The following JAK2 variants were observed in gnomAD, a reference collection of about 807,000 sequenced individuals.
The protein encoded by JAK2 is tyrosine-protein kinase JAK2.
JAK2 carries 86 observed loss-of-function variants against 139.3 expected under a neutral mutation model. The ratio of observed to expected loss-of-function variants is 0.62; its 90% CI spans 0.52 to 0.74. The LOEUF is 0.74. JAK2 is among the 30% of genes least tolerant of loss of function. The pLI is 0.00. For synonymous variants in JAK2, 490 were observed against 437.7 expected (o/e 1.12, Z -1.49); for missense variants, 1,421 against 1,360.3 (o/e 1.04, Z -0.70).
At chr9:5,000,005 C>A (rs905019246) in intron 2 of JAK2, among the ~76,000 whole-genome samples, 17 of 152,156 alleles carry the variant, frequency 1.1e-4, no homozygotes, top group African/African-American at 4.1e-4. Context: ...GAAACAATAT[C>A]TCATTTTTAT....
chr9:5,069,637 G>C (rs976538629), intron 11 of JAK2, among the ~76,000 whole-genome samples: 2 of 151,860 alleles, frequency 1.3e-5, no homozygotes, highest in Non-Finnish European at 2.9e-5. Context: ...TATGAGTTAA[G>C]GAAGTTACTA....
At chr9:5,026,681 T>TAAC (rs570536033) in intron 3 of JAK2, among the ~76,000 whole-genome samples, 26 of 152,302 alleles carry the variant, frequency 1.7e-4, no homozygotes, top group African/African-American at 5.1e-4. Flanking sequence ...AGACTTGTTT[T>TAAC]GAGTTCACGT....
chr9:5,101,536 A>T (rs756124529), intron 22 of JAK2, among the ~76,000 whole-genome samples: 3 of 152,256 alleles, frequency 2.0e-5, no homozygotes, highest in Non-Finnish European at 4.4e-5. Context: ...TGTTTCTACC[A>T]GCATGGTGTT....
chr9:5,061,873 C>A (rs1219025373), intron 8 of JAK2, among the ~76,000 whole-genome samples: 4 of 152,154 alleles, frequency 2.6e-5, no homozygotes, highest in African/African-American at 7.2e-5. Flanking sequence ...GTGAATCTTC[C>A]TTTCACTTGA....
At chr9:4,990,801 C>G (rs1487138824) in intron 2 of JAK2, among the ~76,000 whole-genome samples, 2 of 152,152 alleles carry the variant, frequency 1.3e-5, no homozygotes, top group Non-Finnish European at 2.9e-5. Flanking sequence ...GAAATAACCA[C>G]TGTTAATATT....
chr9:5,020,294 C>G (rs567599959), intron 2 of JAK2, among the ~76,000 whole-genome samples: 2 of 152,172 alleles, frequency 1.3e-5, no homozygotes, highest in African/African-American at 2.4e-5. Context: ...GTGGAATGCT[C>G]AGTTGACACT....
At chr9:5,003,850 C>G (rs1055171931) in intron 2 of JAK2, among the ~76,000 whole-genome samples, 3 of 143,230 alleles carry the variant, frequency 2.1e-5, no homozygotes, top group African/African-American at 7.4e-5. Flanking sequence ...TACCCTTTAT[C>G]AGAGTGAGGA....
At chr9:5,111,009 GA>G in intron 22 of JAK2, 1 of 738,446 alleles carries the variant, frequency 1.4e-6, no homozygotes, top group Non-Finnish European at 2.3e-6. Flanking sequence ...TTGCCAACGG[GA>G]AGGGCCGGCC....
At chr9:5,040,449 A>T (rs1816399268) in intron 4 of JAK2, among the ~76,000 whole-genome samples, 1 of 152,376 alleles carries the variant, frequency 6.6e-6, no homozygotes, top group South Asian at 2.1e-4. Flanking sequence ...AAAATAGTTA[A>T]GTTAGGCTTT....
chr9:5,031,634 T>C (rs549073238), intron 4 of JAK2, among the ~76,000 whole-genome samples: 15 of 152,342 alleles, frequency 9.8e-5, no homozygotes, highest in Admixed American at 7.2e-4. Flanking sequence ...AAAGTCTGAA[T>C]TGGAACTGAA....
At chr9:5,010,121 C>A (rs1226003415) in intron 2 of JAK2, among the ~76,000 whole-genome samples, 2 of 152,116 alleles carry the variant, frequency 1.3e-5, no homozygotes, top group Non-Finnish European at 2.9e-5. Flanking sequence ...CATTCTAGTC[C>A]TATCTACTTT....
chr9:5,066,628 A>G (rs1818590994), intron 9 of JAK2, 50 bp from the exon 10 acceptor site: 1 of 1,012,990 alleles, frequency 9.9e-7, no homozygotes, highest in Non-Finnish European at 1.6e-6. Flanking sequence ...CTTGGTCATA[A>G]TATTATGGTG....
intron 22 of JAK2, chr9:5,111,399 G>A: frequency 2.5e-6 from 1 of 403,472 alleles, no homozygotes. Context: ...GAGGCGGACA[G>A]CGGCCTGGAC....
intron 18 of JAK2, among the ~76,000 whole-genome samples, chr9:5,081,473 T>C (rs1819697953): frequency 6.6e-6 from 1 of 152,226 alleles, no homozygotes; most frequent in Non-Finnish European, 1.5e-5. Context: ...GTATATTACC[T>C]TACTTTATGA....
intron 22 of JAK2, chr9:5,112,486 A>G: frequency 1.8e-6 from 1 of 552,222 alleles, no homozygotes; most frequent in Non-Finnish European, 3.3e-6. Context: ...CAGCCCAGAC[A>G]AGGACGAGGA....
At position 5,116,174 on chromosome 9, in the gene JAK2, A is replaced by C. The variant is rs554030224; in HGVS notation, c.3060-6830A>C. On this transcript the variant is annotated intron_variant, in intron 22 of 24. Coordinates refer to ENST00000381652, the MANE Select transcript of JAK2 (RefSeq NM_004972.4). Reference sequence around the variant, plus strand: ...CCCTTGGAGAACATGTATGATTATTATCTCTATTTTAAGCATGGAGAACTG... The same window carrying C: ...CCCTTGGAGAACATGTATGATTATTCTCTCTATTTTAAGCATGGAGAACTG... Among the ~76,000 whole-genome samples the C allele has an allele frequency of 2.6e-5, 4 of 152,234 alleles. No homozygotes were observed. In the East Asian group the frequency reaches 7.7e-4, roughly 29 times the overall value.
chr9:5,037,545 A>G (rs1010907436), intron 4 of JAK2, among the ~76,000 whole-genome samples: 42 of 152,184 alleles, frequency 2.8e-4, no homozygotes, highest in Non-Finnish European at 5.9e-5. Flanking sequence ...TGATGAGTTC[A>G]TGTCCTTTGT....
intron 22 of JAK2, among the ~76,000 whole-genome samples, chr9:5,106,865 C>T (rs138836455): frequency 6.6e-6 from 1 of 152,086 alleles, no homozygotes; most frequent in South Asian, 2.1e-4. Context: ...CACTTGGACA[C>T]ATGGCAGGGA....
chr9:5,041,123 G>A, intron 4 of JAK2: 1 of 892,398 alleles, frequency 1.1e-6, no homozygotes, highest in Non-Finnish European at 1.8e-6. Context: ...GCCCAAGACG[G>A]TGCTCCTGAT....
Sources: gnomAD v4.1 joint callset for allele counts (sites outside exome capture counted in the v4.1 genomes callset) on GRCh38, gnomAD v4.1.1 for gene constraint, MANE v1.5 for transcripts, NCBI Gene and HGNC (gene_info 2026-07-23, HGNC 2026-07-21) for gene names.